Variants in TMEM263 observed in about 807,000 individuals in gnomAD.
The protein encoded by TMEM263 is transmembrane protein 263.
Under a neutral mutation model 8.6 loss-of-function variants are expected in TMEM263, and 5 were observed. The observed-to-expected ratio is 0.58, with a 90% confidence interval of 0.31 to 1.23. TMEM263 has a LOEUF of 1.23. Ranked by LOEUF, TMEM263 falls within the 50% of genes most tolerant of loss-of-function variation. The pLI, the probability that TMEM263 is intolerant of heterozygous loss-of-function variation, is 0.07. For synonymous variants in TMEM263, 50 were observed against 47.9 expected, an observed-to-expected ratio of 1.04 and a Z score of -0.18; for missense variants, 104 against 138.8, an observed-to-expected ratio of 0.75 and a Z score of 1.26.
chr12:106,970,479 C>T (rs1951905059), intron 3 of TMEM263, among the ~76,000 whole-genome samples: 2 of 152,316 alleles, frequency 1.3e-5, no homozygotes, highest in Non-Finnish European at 2.9e-5. Flanking sequence ...TGCAAGACAG[C>T]TACATTCTTG....
chr12:106,965,911 G>A (rs1951839399), intron 2 of TMEM263, among the ~76,000 whole-genome samples: 1 of 151,984 alleles, frequency 6.6e-6, no homozygotes, highest in Admixed American at 6.6e-5. Context: ...TCAGATTGGT[G>A]GTGTCATCAT....
intron 2 of TMEM263, among the ~76,000 whole-genome samples, chr12:106,965,902 CAGATTGGTGGTGTCATCATTACA>C (rs1368248901): frequency 3.3e-5 from 5 of 152,074 alleles, no homozygotes; most frequent in Non-Finnish European, 5.9e-5. Flanking sequence ...GTTACTGATT[CAGATTGGTGGTGTCATCATTACA>C]AGAGAGGGAT....
At chr12:106,965,123 G>A (rs1018992092) in intron 2 of TMEM263, among the ~76,000 whole-genome samples, 4 of 152,208 alleles carry the variant, frequency 2.6e-5, no homozygotes, top group South Asian at 2.1e-4. Context: ...CCCTTGATGC[G>A]ACCCTGCCAC....
At position 106,972,782 on chromosome 12, in the gene TMEM263, C is replaced by G. The variant is rs1409508549; in HGVS notation, c.*1391C>G. The G allele has an allele frequency of 6.6e-6, 1 of 151,550 alleles. No homozygotes were observed. The highest frequency in any genetic ancestry group is 1.5e-5 in the Non-Finnish European group (1 of 67,894). 9.4% of individuals were successfully genotyped at this position (151,550 alleles called of 1,614,324 possible). ...ATATATACTTGGCATTCCTGTCCAC[C>G]AAGGATTGTAATCCAAGCCTGGGAA... On this transcript the variant is annotated 3_prime_UTR_variant, in exon 4 of 4. Transcript: ENST00000280756.
intron 2 of TMEM263, among the ~76,000 whole-genome samples, chr12:106,964,807 A>G (rs1334433476): frequency 6.6e-6 from 1 of 152,210 alleles, no homozygotes; most frequent in Non-Finnish European, 1.5e-5. Flanking sequence ...CCATGAAGTT[A>G]AAATCACCTT....
intron 2 of TMEM263, among the ~76,000 whole-genome samples, chr12:106,958,982 A>G (rs1951734451): frequency 1.3e-5 from 2 of 152,224 alleles, no homozygotes; most frequent in South Asian, 2.1e-4. Flanking sequence ...TTTCTTGAAT[A>G]TATAATTTGT....
intron 2 of TMEM263, among the ~76,000 whole-genome samples, chr12:106,966,768 A>G (rs1398047804): frequency 6.6e-6 from 1 of 152,208 alleles, no homozygotes; most frequent in East Asian, 1.9e-4. Flanking sequence ...GGAGGAAACA[A>G]CATTTTTGTC....
chr12:106,956,040 C>T lies in TMEM263; in HGVS notation c.-100C>T, dbSNP rs951867394. The T allele has an allele frequency of 1.1e-5, 11 of 985,550 alleles. No homozygotes were observed. Among genetic ancestry groups the T allele is most frequent in the Non-Finnish European group, 1.3e-5 (11 of 830,150 alleles). 61.1% of individuals were successfully genotyped at this position (985,550 alleles called of 1,614,324 possible). A position where few individuals can be genotyped will look rare whatever the true frequency, so the allele number is the denominator to read the frequency against. On this transcript the variant is annotated 5_prime_UTR_variant, in exon 1 of 4. Transcript: ENST00000280756. ...GCCCGCTCACTCCGCCCGGCCCCAG[C>T]CCTAGCGCTGGCCGCGACCCCGGCG... is the stretch of plus-strand genomic sequence containing the variant.
At chr12:106,966,554 G>A (rs1951850457) in intron 2 of TMEM263, among the ~76,000 whole-genome samples, 1 of 152,310 alleles carries the variant, frequency 6.6e-6, no homozygotes, top group South Asian at 2.1e-4. Flanking sequence ...TCTCCAAACT[G>A]TTTTCCACAG....
intron 2 of TMEM263, among the ~76,000 whole-genome samples, chr12:106,961,383 A>G (rs540909473): frequency 6.6e-6 from 1 of 152,008 alleles, no homozygotes; most frequent in Admixed American, 6.6e-5. Context: ...TTATCCCACA[A>G]ATACTATCTG....
intron 2 of TMEM263, among the ~76,000 whole-genome samples, chr12:106,966,311 A>C (rs1002796592): frequency 6.6e-6 from 1 of 152,194 alleles, no homozygotes; most frequent in Non-Finnish European, 1.5e-5. Context: ...GCTGCAAAGG[A>C]CATGATCTCA....
chr12:106,955,925 A>G lies in TMEM263; in HGVS notation c.-215A>G, dbSNP rs908116588. The G allele has an allele frequency of 2.0e-6, 2 of 985,710 alleles. No homozygotes were observed. The highest frequency in any genetic ancestry group is 2.4e-6 in the Non-Finnish European group (2 of 830,266). 61.1% of individuals were successfully genotyped at this position (985,710 alleles called of 1,614,324 possible). A position where few individuals can be genotyped will look rare whatever the true frequency, so the allele number is the denominator to read the frequency against. ...CGCCGCCACAGTCTTCCAGCTCCAC[A>G]TCCTGAGAGGACGCCTCTGGAGCCG... is the stretch of plus-strand genomic sequence containing the variant. On this transcript the variant is annotated 5_prime_UTR_variant, in exon 1 of 4. Transcript: ENST00000280756.
chr12:106,963,461 A>C (rs1244834356), intron 2 of TMEM263, among the ~76,000 whole-genome samples: 1 of 152,210 alleles, frequency 6.6e-6, no homozygotes, highest in East Asian at 1.9e-4. Context: ...ATGTAAAAAA[A>C]AGCAGAATTC....
At chr12:106,965,623 T>A (rs1951833520) in intron 2 of TMEM263, among the ~76,000 whole-genome samples, 1 of 146,892 alleles carries the variant, frequency 6.8e-6, no homozygotes, top group Non-Finnish European at 1.5e-5. Context: ...AAAAAAAAAA[T>A]CACACAAAAA....
At chr12:106,968,522 A>G (rs548655592) in intron 3 of TMEM263, among the ~76,000 whole-genome samples, 130 of 152,320 alleles carry the variant, frequency 8.5e-4, no homozygotes, top group African/African-American at 3.0e-3. Flanking sequence ...TCAGTGAGAA[A>G]GTTAACAAGG....
At chr12:106,959,956 C>CT (rs1403407918) in intron 2 of TMEM263, among the ~76,000 whole-genome samples, 5 of 152,096 alleles carry the variant, frequency 3.3e-5, no homozygotes, top group African/African-American at 9.7e-5. Context: ...TTTTATTACT[C>CT]TAAGAGTTCT....
intron 2 of TMEM263, among the ~76,000 whole-genome samples, chr12:106,964,370 G>C (rs1182744020): frequency 6.6e-6 from 1 of 152,156 alleles, no homozygotes. Flanking sequence ...CAGGCACTCT[G>C]ACCCCAAAGC....
In TMEM263 at chr12:106,961,051, G is replaced by A. The variant is rs548489585; in HGVS notation, c.-7+3902G>A. On this transcript the variant is annotated intron_variant, in intron 2 of 3. Transcript: ENST00000280756. ...TCTTCTCTTCGTCCTGTCCTGTCCT[G>A]TCCTGTCCTGTCCTATCGTTTGAGA... is the stretch of plus-strand genomic sequence containing the variant. 3.5e-3 allele frequency among the ~76,000 whole-genome samples: 534 copies of A among 151,610 alleles called. 4 individuals carry two copies. The highest frequency in any genetic ancestry group is 0.013 in the African/African-American group (519 of 41,252).
intron 2 of TMEM263, among the ~76,000 whole-genome samples, chr12:106,959,666 T>G (rs1161712631): frequency 6.6e-6 from 1 of 152,230 alleles, no homozygotes; most frequent in Non-Finnish European, 1.5e-5. Context: ...ACAGGTCTCC[T>G]GCAATGGTGA....
Sources: gnomAD v4.1 joint callset for allele counts (sites outside exome capture counted in the v4.1 genomes callset) on GRCh38, gnomAD v4.1.1 for gene constraint, MANE v1.5 for transcripts, NCBI Gene and HGNC (gene_info 2026-07-23, HGNC 2026-07-21) for gene names.